ASCC1: variants seen among roughly 807,000 people sequenced by gnomAD.
ASCC1 encodes the protein activating signal cointegrator 1 complex subunit 1, also known as ASC-1 complex subunit P50.
Under a neutral mutation model 46.6 loss-of-function variants are expected in ASCC1, and 35 were observed. The observed-to-expected ratio is 0.75, with a 90% CI of 0.57 to 0.99. The LOEUF is 0.99. ASCC1 is among the 50% of genes least tolerant of loss of function. ASCC1 has a pLI of 0.00. For synonymous variants in ASCC1, 143 were observed against 146.6 expected, an observed-to-expected ratio of 0.98 and a Z score of 0.18; for missense variants, 376 against 428.7, an observed-to-expected ratio of 0.88 and a Z score of 1.09.
At chr10:72,174,241 C>T (rs1258697787) in intron 5 of ASCC1, among the ~76,000 whole-genome samples, 1 of 152,196 alleles carries the variant, frequency 6.6e-6, no homozygotes, top group East Asian at 1.9e-4. Flanking sequence ...CTAGCAGTCA[C>T]CACATCATCA....
intron 6 of ASCC1, among the ~76,000 whole-genome samples, chr10:72,160,918 C>T (rs1849602554): frequency 6.6e-6 from 1 of 151,566 alleles, no homozygotes; most frequent in East Asian, 1.9e-4. Context: ...CCCGTCTCTA[C>T]TAAAAATACA....
At chr10:72,140,432 AGAT>A (rs1305083256) in intron 7 of ASCC1, among the ~76,000 whole-genome samples, 1 of 152,216 alleles carries the variant, frequency 6.6e-6, no homozygotes, top group Non-Finnish European at 1.5e-5. Context: ...TGAATTCAAA[AGAT>A]GATGAGAAAT....
intron 9 of ASCC1, among the ~76,000 whole-genome samples, chr10:72,127,124 G>A (rs552121017): frequency 9.2e-5 from 14 of 152,290 alleles, no homozygotes; most frequent in African/African-American, 3.1e-4. Context: ...CATTTCTAAA[G>A]CTAAAGCCTA....
intron 9 of ASCC1, chr10:72,102,320 C>G (rs142218806): frequency 6.5e-7 from 1 of 1,546,580 alleles, no homozygotes; most frequent in Non-Finnish European, 8.7e-7. Flanking sequence ...TACACACTCA[C>G]GGCTGTATCT....
At chr10:72,178,242 T>C (rs73274958) in intron 5 of ASCC1, among the ~76,000 whole-genome samples, 3,697 of 152,300 alleles carry the variant, frequency 0.024, 178 homozygotes, top group African/African-American at 0.085. Flanking sequence ...ATAGCTGTGA[T>C]AGAATTCTCA....
intron 7 of ASCC1, among the ~76,000 whole-genome samples, chr10:72,148,080 T>C (rs1043738966): frequency 1.3e-5 from 2 of 152,226 alleles, no homozygotes; most frequent in African/African-American, 4.8e-5. Flanking sequence ...AGTAACGGCA[T>C]CAAACTGTGC....
intron 7 of ASCC1, among the ~76,000 whole-genome samples, chr10:72,147,538 C>T (rs1847790872): frequency 6.6e-6 from 1 of 152,186 alleles, no homozygotes; most frequent in Non-Finnish European, 1.5e-5. Context: ...CAGGCATGAG[C>T]CACTGTGGCT....
chr10:72,130,925 A>G (rs1845508156), intron 8 of ASCC1, among the ~76,000 whole-genome samples: 1 of 152,044 alleles, frequency 6.6e-6, no homozygotes, highest in Non-Finnish European at 1.5e-5. Flanking sequence ...GAGTTCTGAA[A>G]CTCTGCCTTT....
At chr10:72,127,358 G>A (rs1194205040) in intron 9 of ASCC1, among the ~76,000 whole-genome samples, 2 of 152,148 alleles carry the variant, frequency 1.3e-5, no homozygotes, top group Non-Finnish European at 2.9e-5. Context: ...AAAGACAAAT[G>A]TAATCCTGAA....
At chr10:72,216,653 A>G (rs541984747), upstream of ASCC1, among the ~76,000 whole-genome samples, 4 of 152,246 alleles carry the variant, frequency 2.6e-5, no homozygotes, top group East Asian at 1.9e-4. Flanking sequence ...AAATAGGCAT[A>G]TATCTGTTAG....
At chr10:72,156,234 T>C (rs1848939630) in intron 6 of ASCC1, among the ~76,000 whole-genome samples, 1 of 152,222 alleles carries the variant, frequency 6.6e-6, no homozygotes, top group Non-Finnish European at 1.5e-5. Flanking sequence ...TGCTTGTTCC[T>C]GCTTCTGCTA....
chr10:72,107,309 C>A (rs1205479460), intron 9 of ASCC1, among the ~76,000 whole-genome samples: 5 of 148,454 alleles, frequency 3.4e-5, no homozygotes, highest in South Asian at 2.1e-4. Context: ...GTTACCCCCC[C>A]CCCAAAAAAA....
intron 9 of ASCC1, among the ~76,000 whole-genome samples, chr10:72,099,782 T>C (rs1841522488): frequency 6.6e-6 from 1 of 152,036 alleles, no homozygotes; most frequent in Admixed American, 6.5e-5. Flanking sequence ...ATTGCATCAC[T>C]GCATTTCAGC....
At chr10:72,131,227 T>C (rs1330189792) in intron 8 of ASCC1, among the ~76,000 whole-genome samples, 1 of 152,112 alleles carries the variant, frequency 6.6e-6, no homozygotes, top group East Asian at 1.9e-4. Flanking sequence ...AAGATCAGCC[T>C]GGCCAAGATG....
chr10:72,177,903 C>G (rs1852054383), intron 5 of ASCC1, among the ~76,000 whole-genome samples: 2 of 152,298 alleles, frequency 1.3e-5, no homozygotes, highest in Non-Finnish European at 2.9e-5. Context: ...ACATTAAATA[C>G]TCAAGATTAG....
chr10:72,190,701 G>C, intron 5 of ASCC1: 2 of 628,758 alleles, frequency 3.2e-6, no homozygotes, highest in Non-Finnish European at 5.4e-6. Context: ...GTCAAATTAA[G>C]ACAGTTAAAG....
chr10:72,196,784 T>A, intron 5 of ASCC1, 27 bp downstream of exon 5: 1 of 1,600,640 alleles, frequency 6.2e-7, no homozygotes, highest in Non-Finnish European at 8.5e-7. Context: ...ACTTTTTTTT[T>A]AACCTTCTTG....
At position 72,128,232 on chromosome 10, in the gene ASCC1, A is replaced by T. The variant is rs1589259717; in HGVS notation, c.872-65T>A. 3.6e-6 allele frequency: 5 copies of T among 1,398,762 alleles called. No individual in the cohort carries two copies. The East Asian group carries it at 1.1e-4, about 32-fold the overall frequency. The allele number at this position is 1,398,762 out of a possible 1,614,324, so 86.6% of individuals were successfully genotyped here. ...ATTGGTTGTTTTCTCTTGGATTTCT[A>T]TAGGTACATAGGTACGACTAGCAAA... On this transcript the variant is annotated intron_variant, in intron 8 of 9. Transcript: ENST00000672957.
chr10:72,138,600 C>CTTTTTTTTTTTTTTTT (rs1011535460), intron 7 of ASCC1, among the ~76,000 whole-genome samples: 2 of 104,538 alleles, frequency 1.9e-5, no homozygotes, highest in African/African-American at 4.3e-5. Context: ...TTCTTTCTTT[C>CTTTTTTTTTTTTTTTT]TTTTTTTTTT....
Sources: gnomAD v4.1 joint callset for allele counts (sites outside exome capture counted in the v4.1 genomes callset) on GRCh38, gnomAD v4.1.1 for gene constraint, MANE v1.5 for transcripts, NCBI Gene and HGNC (gene_info 2026-07-23, HGNC 2026-07-21) for gene names.